The following GRB14 variants were observed in gnomAD, a reference collection of about 807,000 sequenced individuals.
GRB14 encodes the protein growth factor receptor bound protein 14.
A neutral mutation model predicts 69.1 loss-of-function variants in GRB14; 38 were observed. That is an observed-to-expected ratio of 0.55 (90% CI 0.42 to 0.72). GRB14 has a LOEUF of 0.72. Ranked by LOEUF, GRB14 falls within the 30% of genes least tolerant of loss-of-function variation. GRB14 has a pLI of 0.00. For synonymous variants in GRB14, 247 were observed against 241.3 expected, an observed-to-expected ratio of 1.02 and a Z score of -0.22; for missense variants, 666 against 666.1, an observed-to-expected ratio of 1.00 and a Z score of 0.00.
intron 2 of GRB14, among the ~76,000 whole-genome samples, chr2:164,556,080 T>C (rs912748165): frequency 2.7e-4 from 41 of 152,132 alleles, no homozygotes; most frequent in Non-Finnish European, 5.6e-4. Context: ...TTTTTAGATA[T>C]CTTGAATTAA....
chr2:164,521,318 G>C (rs1007751615), intron 6 of GRB14, among the ~76,000 whole-genome samples: 19 of 152,182 alleles, frequency 1.2e-4, no homozygotes, highest in Admixed American at 7.2e-4. Flanking sequence ...TAAGCTATGA[G>C]AATGCAAAGG....
intron 2 of GRB14, among the ~76,000 whole-genome samples, chr2:164,572,648 C>A (rs957279336): frequency 6.6e-6 from 1 of 152,140 alleles, no homozygotes; most frequent in Admixed American, 6.5e-5. Context: ...CCACTTTATT[C>A]TTTCTCATAC....
chr2:164,614,849 A>C (rs1388340581), intron 2 of GRB14, among the ~76,000 whole-genome samples: 1 of 152,210 alleles, frequency 6.6e-6, no homozygotes, highest in African/African-American at 2.4e-5. Context: ...AATTACTGGC[A>C]TCACAAAGGA....
chr2:164,612,313 T>G (rs1690186547), intron 2 of GRB14, among the ~76,000 whole-genome samples: 2 of 152,240 alleles, frequency 1.3e-5, no homozygotes, highest in East Asian at 3.8e-4. Context: ...ATACAAGCAT[T>G]TGTAAGCTGG....
chr2:164,509,792 GAAAAAAAAAAA>G (rs10675642), intron 6 of GRB14, among the ~76,000 whole-genome samples: 2 of 86,250 alleles, frequency 2.3e-5, no homozygotes, highest in South Asian at 5.0e-4. Context: ...AGAAGCAGTG[GAAAAAAAAAAA>G]AAAAAAAAAA....
At chr2:164,520,233 A>G (rs1282803150) in intron 6 of GRB14, among the ~76,000 whole-genome samples, 1 of 152,108 alleles carries the variant, frequency 6.6e-6, no homozygotes. Flanking sequence ...TCTTTGACAA[A>G]GCAAACAAAA....
intron 2 of GRB14, among the ~76,000 whole-genome samples, chr2:164,602,892 G>A (rs1158522049): frequency 1.3e-5 from 2 of 152,250 alleles, no homozygotes; most frequent in Non-Finnish European, 2.9e-5. Context: ...GTTATTTGAA[G>A]CTAGCTATTT....
intron 5 of GRB14, 127 bp downstream of exon 5, chr2:164,524,877 T>G (rs1427238319): frequency 1.8e-6 from 1 of 557,166 alleles, no homozygotes; most frequent in African/African-American, 2.0e-5. Context: ...TAGTTTTACC[T>G]CCAGCAAAAA....
chr2:164,561,879 T>C (rs1688837751), intron 2 of GRB14, among the ~76,000 whole-genome samples: 1 of 152,120 alleles, frequency 6.6e-6, no homozygotes, highest in Admixed American at 6.5e-5. Context: ...GTATACCAAA[T>C]TGCCCACTGC....
chr2:164,573,864 G>A, intron 2 of GRB14: 2 of 1,613,014 alleles, frequency 1.2e-6, no homozygotes, highest in Non-Finnish European at 1.7e-6. Context: ...AATTTGATTA[G>A]AAATGCAAGA....
Position 164,502,311 on chromosome 2 carries a change from A to T in GRB14, c.1048T>A (p.Tyr350Asn), listed in dbSNP as rs1347274037. 1 of 1,603,032 alleles carries T rather than the reference A, an allele frequency of 6.2e-7. No homozygotes were observed. The highest frequency in any genetic ancestry group is 8.5e-7 in the Non-Finnish European group (1 of 1,170,544). The change falls in exon 9 of 14, where the codon TAT becomes AAT. Residue 350 changes from tyrosine (Y) to asparagine (N), a missense_variant. Tyr to Asn is a moderately radical substitution (Grantham distance 143). Coordinates refer to ENST00000263915, the MANE Select transcript of GRB14 (RefSeq NM_004490.3). ...LKYGMQLYQNYMHPYQGRSGC... is the reference protein window; with the variant it reads ...LKYGMQLYQNNMHPYQGRSGC... ...CTTCTACCTTGATATGGATGCATAT[A>T]ATTCTGGTACAGCTGCATGCCATAC...
At chr2:164,603,274 T>A (rs567684698) in intron 2 of GRB14, among the ~76,000 whole-genome samples, 2 of 152,254 alleles carry the variant, frequency 1.3e-5, no homozygotes, top group South Asian at 4.1e-4. Context: ...GGTGCTAGTA[T>A]GAATGGATGG....
chr2:164,618,208 G>A (rs1211339389), intron 2 of GRB14, among the ~76,000 whole-genome samples: 1 of 151,734 alleles, frequency 6.6e-6, no homozygotes, highest in African/African-American at 2.4e-5. Flanking sequence ...TTCGTGATCT[G>A]CCCGCCTCAG....
intron 5 of GRB14, among the ~76,000 whole-genome samples, chr2:164,524,617 G>A (rs1287892995): frequency 6.6e-6 from 1 of 151,964 alleles, no homozygotes; most frequent in East Asian, 1.9e-4. Flanking sequence ...ATAGGATTGA[G>A]GGTGTTTATT....
rs934269215 is a variant in GRB14 at position 164,492,735 on chromosome 2, T to C, written c.*301A>G. 4.8e-6 allele frequency: 1 copy of C among 208,204 alleles called. No homozygotes were observed. The highest frequency in any genetic ancestry group is 2.3e-5 in the African/African-American group (1 of 43,624). 12.9% of individuals were successfully genotyped at this position (208,204 alleles called of 1,614,324 possible). On this transcript the variant is annotated 3_prime_UTR_variant, in exon 14 of 14. Transcript: ENST00000263915. ...AATTCTGATGTTGCTATATGGTAAA[T>C]AAGGGAGACATGTTTTAAATATGCA...
intron 9 of GRB14, among the ~76,000 whole-genome samples, chr2:164,500,448 T>G (rs542461476): frequency 2.0e-5 from 3 of 152,172 alleles, no homozygotes; most frequent in Non-Finnish European, 2.9e-5. Flanking sequence ...TACTAAAAAC[T>G]TATATGTTAA....
At chr2:164,604,653 A>T (rs74479944) in intron 2 of GRB14, among the ~76,000 whole-genome samples, 4 of 152,062 alleles carry the variant, frequency 2.6e-5, no homozygotes, top group African/African-American at 9.7e-5. Context: ...AAAAAAAAAA[A>T]GTTAGTTCTC....
chr2:164,497,605 C>T (rs1410151502), intron 9 of GRB14, 115 bp from the exon 10 acceptor site: 1 of 696,942 alleles, frequency 1.4e-6, no homozygotes, highest in Non-Finnish European at 2.5e-6. Context: ...TCTGGCAGTA[C>T]ATTTCCATTC....
chr2:164,537,811 G>T (rs980053118), intron 3 of GRB14, among the ~76,000 whole-genome samples: 1 of 152,120 alleles, frequency 6.6e-6, no homozygotes, highest in Admixed American at 6.5e-5. Flanking sequence ...TCTCCTGAAA[G>T]CCCAGAGGGT....
Sources: allele counts gnomAD v4.1 joint callset (sites outside exome capture counted in the v4.1 genomes callset), GRCh38; gene constraint gnomAD v4.1.1; transcripts MANE v1.5; gene names NCBI Gene and HGNC (gene_info 2026-07-23, HGNC 2026-07-21).